PCDH9: variants seen among roughly 807,000 people sequenced by gnomAD.
PCDH9 encodes protocadherin 9.
Under a neutral mutation model 70.6 loss-of-function variants are expected in PCDH9, and 24 were observed. The ratio of observed to expected loss-of-function variants is 0.34; its 90% CI spans 0.25 to 0.48. The LOEUF is 0.48. PCDH9 is among the 20% of genes least tolerant of loss of function. The pLI is 0.99. For missense variants in PCDH9, 1,281 were observed against 1,503.6 expected, an observed-to-expected ratio of 0.85 and a Z score of 2.45; for synonymous variants, 562 against 558.5, an observed-to-expected ratio of 1.01 and a Z score of -0.09.
intron 3 of PCDH9, among the ~76,000 whole-genome samples, chr13:66,713,991 T>C (rs551650006): frequency 6.6e-6 from 1 of 152,180 alleles, no homozygotes; most frequent in East Asian, 1.9e-4. Flanking sequence ...GATTGGCAAA[T>C]TGGTTTATTG....
chr13:67,099,856 T>G (rs1390541723), intron 2 of PCDH9, among the ~76,000 whole-genome samples: 1 of 152,192 alleles, frequency 6.6e-6, no homozygotes, highest in Non-Finnish European at 1.5e-5. Flanking sequence ...AATGTAAGTT[T>G]GACACATTGT....
chr13:66,925,316 C>T lies in PCDH9; in HGVS notation c.3037-21711G>A, dbSNP rs1349186182. ...TTCCCCATGTTCAGCATCCTAAAAACCTTCATTTACATTTTTGGCTTACCG... is the reference window on the plus strand; with the variant it reads ...TTCCCCATGTTCAGCATCCTAAAAATCTTCATTTACATTTTTGGCTTACCG... On this transcript the variant is annotated intron_variant, in intron 2 of 4. Transcript: ENST00000377865. 3.0e-5 allele frequency among the ~76,000 whole-genome samples: 3 copies of T among 100,302 alleles called. No homozygotes were observed. In the Admixed American group the frequency reaches 3.1e-4, roughly 10 times the overall value. The allele number at this position is 100,302 out of a possible 152,430, so 65.8% of individuals were successfully genotyped here.
chr13:66,940,988 GT>G (rs1486853454), intron 2 of PCDH9, among the ~76,000 whole-genome samples: 1 of 151,570 alleles, frequency 6.6e-6, no homozygotes, highest in Non-Finnish European at 1.5e-5. Context: ...TTGAAGGGAA[GT>G]TTCATGGTTT....
chr13:67,040,190 T>C (rs1021880597), intron 2 of PCDH9, among the ~76,000 whole-genome samples: 14 of 152,214 alleles, frequency 9.2e-5, no homozygotes, highest in African/African-American at 2.9e-4. Context: ...GGAATGTTTA[T>C]GTCCCCCCAG....
At chr13:66,776,298 G>A (rs1373330322) in intron 3 of PCDH9, among the ~76,000 whole-genome samples, 5 of 150,534 alleles carry the variant, frequency 3.3e-5, no homozygotes, top group Non-Finnish European at 5.9e-5. Context: ...GCAGGAGAAG[G>A]AAATAAAGGG....
rs146570447 is a variant in PCDH9 at position 66,954,033 on chromosome 13, G to A, written c.3037-50428C>T. Among the ~76,000 whole-genome samples, 143 of 152,232 alleles carry A rather than the reference G, an allele frequency of 9.4e-4. 2 individuals are homozygous for A. In the East Asian group the frequency reaches 0.019, roughly 20 times the overall value. ...CACTAGGTAGCTAAATTTATCCAGCGCAAAATACCAAATGAAGAAGCCTCT... is the reference window on the plus strand; with the variant it reads ...CACTAGGTAGCTAAATTTATCCAGCACAAAATACCAAATGAAGAAGCCTCT... On this transcript the variant is annotated intron_variant, in intron 2 of 4. Transcript: ENST00000377865.
At chr13:66,668,131 CCTGAGTAAGGCAGATTCATGTGAT>C (rs2078121706) in intron 3 of PCDH9, among the ~76,000 whole-genome samples, 2 of 152,032 alleles carry the variant, frequency 1.3e-5, no homozygotes, top group Non-Finnish European at 2.9e-5. Context: ...TTCCTAGTGG[CCTGAGTAAGGCAGATTCATGTGAT>C]CTGAGTAAGG....
chr13:66,924,671 T>TA (rs2139649384), intron 2 of PCDH9, among the ~76,000 whole-genome samples: 1 of 151,956 alleles, frequency 6.6e-6, no homozygotes, highest in Admixed American at 6.6e-5. Flanking sequence ...AATACTTATA[T>TA]AAAAACTATA....
intron 2 of PCDH9, among the ~76,000 whole-genome samples, chr13:66,935,229 T>C (rs1317510521): frequency 6.6e-6 from 1 of 152,006 alleles, no homozygotes; most frequent in Non-Finnish European, 1.5e-5. Context: ...GACTATTTTT[T>C]AATTTTTGTA....
intron 2 of PCDH9, among the ~76,000 whole-genome samples, chr13:67,008,638 A>T (rs1403279135): frequency 4.6e-5 from 7 of 152,078 alleles, no homozygotes; most frequent in Non-Finnish European, 7.4e-5. Flanking sequence ...ACCTCTTCTT[A>T]CTTTCTCTTC....
intron 4 of PCDH9, among the ~76,000 whole-genome samples, chr13:66,464,032 T>C (rs570354726): frequency 4.0e-4 from 61 of 151,812 alleles, no homozygotes; most frequent in Non-Finnish European, 7.7e-4. Context: ...GTATTTCTGT[T>C]TTACACTAGG....
chr13:66,348,043 A>T (rs910645502), intron 4 of PCDH9, among the ~76,000 whole-genome samples: 1 of 152,202 alleles, frequency 6.6e-6, no homozygotes, highest in Non-Finnish European at 1.5e-5. Context: ...TATTTAACTC[A>T]GACTACTGAG....
rs146795949 is a variant in PCDH9 at position 66,765,663 on chromosome 13, T to C, written c.3139-134252A>G. 3.3e-3 allele frequency among the ~76,000 whole-genome samples: 499 copies of C among 152,254 alleles called. 6 individuals are homozygous for C. The highest frequency in any genetic ancestry group is 0.011 in the African/African-American group (464 of 41,514). On this transcript the variant is annotated intron_variant, in intron 3 of 4. Coordinates refer to ENST00000377865, the MANE Select transcript of PCDH9 (RefSeq NM_203487.3). ...GTAAAGCATAATTTGTTAGGAATACTAAAGGATAGTAGATTGGGAATAATT... is the reference window on the plus strand; with the variant it reads ...GTAAAGCATAATTTGTTAGGAATACCAAAGGATAGTAGATTGGGAATAATT...
intron 2 of PCDH9, among the ~76,000 whole-genome samples, chr13:66,910,296 A>G (rs1465005965): frequency 1.1e-4 from 16 of 152,204 alleles, no homozygotes; most frequent in Non-Finnish European, 4.4e-5. Flanking sequence ...GATTTTATAT[A>G]GTCTTCTGGC....
intron 3 of PCDH9, among the ~76,000 whole-genome samples, chr13:66,654,915 G>A (rs538558084): frequency 1.8e-4 from 27 of 151,784 alleles, no homozygotes; most frequent in African/African-American, 5.8e-4. Context: ...TTGTAGAGAC[G>A]GGGTTTTGCC....
chr13:66,491,267 T>C (rs762804305), intron 4 of PCDH9, among the ~76,000 whole-genome samples: 9 of 152,122 alleles, frequency 5.9e-5, no homozygotes, highest in Non-Finnish European at 1.0e-4. Context: ...TAAAGCACAA[T>C]AGGAAAATTT....
chr13:66,562,883 A>G (rs1039790689), intron 4 of PCDH9, among the ~76,000 whole-genome samples: 2 of 152,150 alleles, frequency 1.3e-5, no homozygotes, highest in African/African-American at 2.4e-5. Flanking sequence ...CTCCTCATTC[A>G]TATTAAAACT....
At chr13:66,673,161 G>A (rs922514735) in intron 3 of PCDH9, among the ~76,000 whole-genome samples, 1 of 152,132 alleles carries the variant, frequency 6.6e-6, no homozygotes, top group Admixed American at 6.5e-5. Context: ...CTCATATCGT[G>A]GGAGGGACCT....
At chr13:66,808,528 AC>A (rs954995887) in intron 3 of PCDH9, among the ~76,000 whole-genome samples, 1 of 152,022 alleles carries the variant, frequency 6.6e-6, no homozygotes, top group Non-Finnish European at 1.5e-5. Flanking sequence ...AAACAAAAAA[AC>A]AGAATTAGCA....
Sources: gnomAD v4.1 joint callset for allele counts (sites outside exome capture counted in the v4.1 genomes callset) on GRCh38, gnomAD v4.1.1 for gene constraint, MANE v1.5 for transcripts, NCBI Gene and HGNC (gene_info 2026-07-23, HGNC 2026-07-21) for gene names.